FAM200A: variants seen among roughly 807,000 people sequenced by gnomAD.
The protein encoded by FAM200A is protein FAM200A.
A neutral mutation model predicts 44.2 loss-of-function variants in FAM200A; 26 were observed. The ratio of observed to expected loss-of-function variants is 0.59; its 90% CI spans 0.43 to 0.82. The LOEUF (loss-of-function observed/expected upper bound fraction) is 0.82, where lower values mean the gene tolerates loss of function less well. Among genes scored for constraint, FAM200A ranks in the 40% least tolerant of loss-of-function variants. FAM200A has a pLI of 0.00. For synonymous variants in FAM200A, 206 were observed against 244.4 expected (o/e 0.84, Z 1.47); for missense variants, 606 against 669.5 (o/e 0.91, Z 1.05).
chr7:99,553,835 G>A (rs1370345970), upstream of FAM200A, among the ~76,000 whole-genome samples: 1 of 152,166 alleles, frequency 6.6e-6, no homozygotes, highest in African/African-American at 2.4e-5. Flanking sequence ...AACCCTATCT[G>A]GCTAGCTGCT....
chr7:99,550,238 G>A (rs959279948), intron 1 of FAM200A, among the ~76,000 whole-genome samples: 2 of 151,924 alleles, frequency 1.3e-5, no homozygotes, highest in Non-Finnish European at 2.9e-5. Context: ...AGCCTCCCGA[G>A]TAGCTGGGAT....
chr7:99,555,339 AC>A (rs1802657209), upstream of FAM200A, among the ~76,000 whole-genome samples: 1 of 152,224 alleles, frequency 6.6e-6, no homozygotes, highest in Admixed American at 6.5e-5. Context: ...AGAGGCATGG[AC>A]AGATTCCTTC....
chr7:99,548,044 T>G lies in FAM200A; in HGVS notation c.364A>C (p.Ile122Leu), dbSNP rs1242674386. 6.4e-7 allele frequency: 1 copy of G among 1,551,578 alleles called. No individual in the cohort carries two copies. The highest frequency in any genetic ancestry group is 8.7e-7 in the Non-Finnish European group (1 of 1,146,960). ...AGCATTGCTTCCAAATGTTTTGCAA[T>G]CGTACAGATTCGACGAGATATTGTA... ...DNTISRRICTIAKHLEAMLIT... is the reference protein window; with the variant it reads ...DNTISRRICTLAKHLEAMLIT... The change falls in exon 2 of 2, where the codon ATT becomes CTT. Residue 122 changes from isoleucine to leucine, a missense_variant. By Grantham distance (5) the Ile-to-Leu change is conservative (BLOSUM62 2). Transcript: ENST00000449309.
chr7:99,548,324 CT>C lies in FAM200A; in HGVS notation c.83del (p.Glu28GlyfsTer16). ...EMEGIVIVKV[E>X]EEDEEDHFQK... ...GAAAATGGTCTTCTTCATCTTCCTC[CT>C]CCACCTTCACTATCACGATGCCTTC... On this transcript the variant is annotated frameshift_variant, in exon 2 of 2. Transcript: ENST00000449309. LOFTEE classifies it high-confidence loss of function. 1 of 1,614,172 alleles carries C rather than the reference CT, an allele frequency of 6.2e-7. No homozygotes were observed. The highest frequency in any genetic ancestry group is 8.5e-7 in the Non-Finnish European group (1 of 1,180,040).
upstream of FAM200A, among the ~76,000 whole-genome samples, chr7:99,553,095 A>AT (rs1480454564): frequency 8.1e-4 from 72 of 88,866 alleles, 1 homozygote; most frequent in East Asian, 4.2e-3. Flanking sequence ...ATATATATAT[A>AT]TATATTTTTT....
chr7:99,548,210 T>C lies in FAM200A; in HGVS notation c.198A>G (p.Leu66=). 1 of 1,582,928 alleles carries C rather than the reference T, an allele frequency of 6.3e-7. No individual in the cohort carries two copies. Among genetic ancestry groups the C allele is most frequent in the South Asian group, 1.1e-5 (1 of 87,456 alleles). ...TCTCTTTTGCCACTCTATATGCAAC[T>C]AAATACGATGACAATAAGGCTCTCT... ...MNERALLSSY[L]VAYRVAKEKM... Residue 66 remains leucine (L), a synonymous_variant, in exon 2 of 2, where the codon TTA becomes TTG. Coordinates refer to ENST00000449309, the MANE Select transcript of FAM200A (RefSeq NM_145111.4).
chr7:99,557,664 T>C (rs1802736958), intron 1 of FAM200A, among the ~76,000 whole-genome samples: 1 of 152,150 alleles, frequency 6.6e-6, no homozygotes, highest in South Asian at 2.1e-4. Flanking sequence ...GTTGGATAAA[T>C]GATACTTAGG....
upstream of FAM200A, among the ~76,000 whole-genome samples, chr7:99,556,572 A>G (rs1412913964): frequency 2.6e-5 from 4 of 152,034 alleles, no homozygotes; most frequent in Admixed American, 2.6e-4. Flanking sequence ...CTGTTGATCT[A>G]TTTGTCTCTA....
Position 99,546,631 on chromosome 7 carries a change from T to G in FAM200A, c.*55A>C, listed in dbSNP as rs1049024085. 17 of 1,446,798 alleles carry G rather than the reference T, an allele frequency of 1.2e-5. No individual in the cohort carries two copies. In the South Asian group the frequency reaches 2.4e-4, roughly 21 times the overall value. 89.6% of individuals were successfully genotyped at this position (1,446,798 alleles called of 1,614,324 possible). Reference sequence around the variant, plus strand: ...CCACCTCGGTCTCCCACTGCTGGGATTACAGGCGTAAGCCACCACACCTGG... The same window carrying G: ...CCACCTCGGTCTCCCACTGCTGGGAGTACAGGCGTAAGCCACCACACCTGG... On this transcript the variant is annotated 3_prime_UTR_variant, in exon 2 of 2. Transcript: ENST00000449309.
In FAM200A at chr7:99,547,641, C is replaced by G. The variant is rs745698636; in HGVS notation, c.767G>C (p.Ser256Thr). Residue 256 changes from serine to threonine, a missense_variant, in exon 2 of 2, where the codon AGT (serine) becomes ACT (threonine). Coordinates refer to ENST00000449309, the MANE Select transcript of FAM200A (RefSeq NM_145111.4). ...TGCATTTTTCAATACATCCATCAGA[C>G]TTGGTGAAATTTCTTTGGATACCAA... ...EALVSKEISP[S>T]LMDVLKNAVK... 1 of 1,551,380 alleles carries G rather than the reference C, an allele frequency of 6.4e-7. No homozygotes were observed. The highest frequency in any genetic ancestry group is 1.2e-5 in the South Asian group (1 of 83,912).
In FAM200A at chr7:99,547,480, ATACTT is replaced by A. The variant is rs1802416298; in HGVS notation, c.923_927del (p.Lys308IlefsTer6). 1 of 1,550,024 alleles carries A rather than the reference ATACTT, an allele frequency of 6.5e-7. No homozygotes were observed. The highest frequency in any genetic ancestry group is 8.7e-7 in the Non-Finnish European group (1 of 1,146,154). ...TTCCTGAGTTCATATACTCTGCTCA[ATACTT>A]TTCCTTGAGAAAGCCAACGAACTTC... is the stretch of plus-strand genomic sequence containing the variant. On this transcript the variant is annotated frameshift_variant, in exon 2 of 2. Coordinates refer to ENST00000449309, the MANE Select transcript of FAM200A (RefSeq NM_145111.4). LOFTEE classifies it high-confidence loss of function.
intron 1 of FAM200A, among the ~76,000 whole-genome samples, chr7:99,549,182 A>ATTTTTTTTTTTGTTTTTTTTT (rs1443044531): frequency 7.2e-6 from 1 of 138,092 alleles, no homozygotes; most frequent in Admixed American, 7.6e-5. Flanking sequence ...TTTCTTAAAA[A>ATTTTTTTTTTTGTTTTTTTTT]TAAGAAATTA....
chr7:99,550,118 C>CCT (rs1554394281), intron 1 of FAM200A, among the ~76,000 whole-genome samples: 2 of 148,298 alleles, frequency 1.3e-5, no homozygotes, highest in Admixed American at 6.8e-5. Flanking sequence ...GAACCCCCCC[C>CCT]TTTTTTTTTT....
upstream of FAM200A, among the ~76,000 whole-genome samples, chr7:99,554,271 G>A (rs954342543): frequency 6.6e-6 from 1 of 152,022 alleles, no homozygotes; most frequent in African/African-American, 2.4e-5. Context: ...ACAAGTTCAG[G>A]AGTTCGAGAC....
chr7:99,555,933 A>T (rs1327358822), upstream of FAM200A, among the ~76,000 whole-genome samples: 3 of 152,178 alleles, frequency 2.0e-5, no homozygotes, highest in Non-Finnish European at 2.9e-5. Context: ...ATAAATAAAA[A>T]GTGGAAGCTT....
upstream of FAM200A, among the ~76,000 whole-genome samples, chr7:99,553,074 T>C (rs1263343999): frequency 8.0e-4 from 63 of 78,540 alleles, no homozygotes; most frequent in Admixed American, 1.5e-3. Flanking sequence ...CACACACATA[T>C]ATATATATAT....
chr7:99,550,202 C>T (rs567035568), intron 1 of FAM200A, among the ~76,000 whole-genome samples: 224 of 152,140 alleles, frequency 1.5e-3, no homozygotes, highest in Non-Finnish European at 2.6e-3. Context: ...CCTCCGCCTC[C>T]AGGGTTCAAG....
In FAM200A at chr7:99,547,208, TG is replaced by T. The variant is rs1205881882; in HGVS notation, c.1199del (p.Pro400GlnfsTer17). The T allele has an allele frequency of 2.8e-5, 44 of 1,549,910 alleles. No homozygotes were observed. The East Asian group carries it at 1.1e-3, about 38-fold the overall frequency. On this transcript the variant is annotated frameshift_variant, in exon 2 of 2. Transcript: ENST00000449309. LOFTEE classifies it high-confidence loss of function. ...KSNRPSYYMF[P>X]TLLQHIEENI... is the part of the protein sequence containing the mutation. ...TCTCTTCGATGTGTTGCAATAATGT[TG>T]GAAACATATAGTAGCTAGGGCGGTT... is the stretch of plus-strand genomic sequence containing the variant.
In FAM200A at chr7:99,546,479, C is replaced by G. The variant is rs1802387725; in HGVS notation, c.*207G>C. On this transcript the variant is annotated 3_prime_UTR_variant, in exon 2 of 2. Coordinates refer to ENST00000449309, the MANE Select transcript of FAM200A (RefSeq NM_145111.4). ...TGCCTTCCTGGTTTAAGAGATTCTC[C>G]TGCCTCAGGCACCCAAGTAACTGGG... is the stretch of plus-strand genomic sequence containing the variant. 2.3e-6 allele frequency: 1 copy of G among 426,438 alleles called. No individual in the cohort carries two copies. The highest frequency in any genetic ancestry group is 4.0e-6 in the Non-Finnish European group (1 of 249,742). The allele number at this position is 426,438 out of a possible 1,614,324, so 26.4% of individuals were successfully genotyped here.
Sources: gnomAD v4.1 joint callset for allele counts (sites outside exome capture counted in the v4.1 genomes callset) on GRCh38, gnomAD v4.1.1 for gene constraint, MANE v1.5 for transcripts, NCBI Gene and HGNC (gene_info 2026-07-23, HGNC 2026-07-21) for gene names.